Variants in FOXN1 observed in about 807,000 individuals in gnomAD.
FOXN1 encodes the protein forkhead box N1.
In FOXN1, 15 loss-of-function variants were observed where a neutral mutation model predicts 49.0. The ratio of observed to expected loss-of-function variants is 0.31; its 90% CI spans 0.20 to 0.47. The LOEUF is 0.47. FOXN1 is among the 20% of genes least tolerant of loss of function. The pLI, the probability that FOXN1 is intolerant of heterozygous loss-of-function variation, is 1.00. For missense variants in FOXN1, 800 were observed against 842.8 expected (o/e 0.95, Z 0.63); for synonymous variants, 356 against 369.0 (o/e 0.96, Z 0.40).
rs984411950 is a variant in FOXN1, at chr17:28,534,022, C to G, written c.928-309C>G. Among the ~76,000 whole-genome samples the G allele has an allele frequency of 2.0e-5, 3 of 152,140 alleles. No individual in the cohort carries two copies. The highest frequency in any genetic ancestry group is 2.0e-4 in the Admixed American group (3 of 15,278). ...GGGAGAGTGTTGTGGGTCAGAAGGC[C>G]TCTGTAGCGCCCACCAGCCCTGGCT... On this transcript the variant is annotated intron_variant, in intron 6 of 8. Coordinates refer to ENST00000579795, the MANE Select transcript of FOXN1 (RefSeq NM_001369369.1). The surrounding 1 kb of genome is among the most constrained non-coding windows in gnomAD (Gnocchi z 4.1).
intron 4 of FOXN1, among the ~76,000 whole-genome samples, chr17:28,528,374 AC>A (rs1333251817): frequency 1.3e-5 from 2 of 152,030 alleles, no homozygotes; most frequent in Non-Finnish European, 2.9e-5. Flanking sequence ...GGGCCACCAG[AC>A]CTTAAATGAC....
intron 2 of FOXN1, 35 bp downstream of exon 2, chr17:28,524,127 A>T: frequency 1.3e-6 from 2 of 1,554,454 alleles, no homozygotes; most frequent in Non-Finnish European, 1.7e-6. Flanking sequence ...GGTTTAGGCC[A>T]AGGCCTGCGG....
intron 6 of FOXN1, 33 bp downstream of exon 6, chr17:28,530,878 C>T (rs1429588295): frequency 3.2e-6 from 4 of 1,235,110 alleles, no homozygotes; most frequent in Non-Finnish European, 4.8e-6. Context: ...TCCCATCACC[C>T]CCAAGTCCTG....
At chr17:28,510,032 A>T (rs1187426076) in intron 1 of FOXN1, among the ~76,000 whole-genome samples, 1 of 152,082 alleles carries the variant, frequency 6.6e-6, no homozygotes, top group Non-Finnish European at 1.5e-5. Flanking sequence ...AGTCATGGAG[A>T]AAAGGGAACC....
At chr17:28,530,530 G>A (rs1405729740) in intron 5 of FOXN1, among the ~76,000 whole-genome samples, 1 of 152,244 alleles carries the variant, frequency 6.6e-6, no homozygotes, top group Non-Finnish European at 1.5e-5. Context: ...CACAGCCAGA[G>A]AGTAACTAGG....
chr17:28,524,138 C>A (rs1185221422), intron 2 of FOXN1, 46 bp downstream of exon 2: 1 of 1,539,370 alleles, frequency 6.5e-7, no homozygotes, highest in South Asian at 1.2e-5. Context: ...AGGCCTGCGG[C>A]TGCCCAGGCA....
intron 1 of FOXN1, among the ~76,000 whole-genome samples, chr17:28,517,880 G>A (rs1290206248): frequency 1.4e-5 from 2 of 140,428 alleles, no homozygotes; most frequent in African/African-American, 5.6e-5. Context: ...CCTCCACAGG[G>A]TACACACCTC....
chr17:28,515,382 C>T (rs1019842294), intron 1 of FOXN1, among the ~76,000 whole-genome samples: 1 of 151,652 alleles, frequency 6.6e-6, no homozygotes, highest in Non-Finnish European at 1.5e-5. Flanking sequence ...GTACACATCT[C>T]CACAGGGTAC....
chr17:28,523,940 G>T lies in FOXN1; in HGVS notation c.-14-16G>T. The T allele has an allele frequency of 6.2e-7, 1 of 1,613,206 alleles. No individual in the cohort carries two copies. Among genetic ancestry groups the T allele is most frequent in the Non-Finnish European group, 8.5e-7 (1 of 1,179,900 alleles). On this transcript the variant is annotated splice_polypyrimidine_tract_variant and intron_variant, in intron 1 of 8. Coordinates refer to ENST00000579795, the MANE Select transcript of FOXN1 (RefSeq NM_001369369.1). ...GATGCTGGTCCTCACTCTCATGGCA[G>T]ACGGCTTTCTTTGAGGCCAGGACTG...
chr17:28,523,000 C>T (rs1014414359), intron 1 of FOXN1, among the ~76,000 whole-genome samples: 6 of 152,194 alleles, frequency 3.9e-5, no homozygotes, highest in Non-Finnish European at 7.3e-5. Context: ...TGTCACTCTC[C>T]CAGTTAGATG....
intron 3 of FOXN1, among the ~76,000 whole-genome samples, 195 bp downstream of exon 3, chr17:28,525,162 G>A (rs2069739803): frequency 6.6e-6 from 1 of 152,132 alleles, no homozygotes; most frequent in Non-Finnish European, 1.5e-5. Flanking sequence ...GGCAAGTGGG[G>A]GAGGTAGGCC....
intron 5 of FOXN1, 100 bp downstream of exon 5, chr17:28,529,324 C>A: frequency 6.9e-7 from 1 of 1,448,888 alleles, no homozygotes; most frequent in South Asian, 1.1e-5. Context: ...GTAATGGCAG[C>A]AGGTGGAAAT....
rs778561319 is a variant in FOXN1 at position 28,535,201 on chromosome 17, G to A, written c.1627+3G>A. 3 of 1,612,728 alleles carry A rather than the reference G, an allele frequency of 1.9e-6. No homozygotes were observed. The highest frequency in any genetic ancestry group is 2.5e-6 in the Non-Finnish European group (3 of 1,179,930). On this transcript the variant is annotated splice_donor_region_variant and intron_variant, in intron 8 of 8. Coordinates refer to ENST00000579795, the MANE Select transcript of FOXN1 (RefSeq NM_001369369.1). ...ACTCACTGACTTCGACTTCCAGGGTGAGCTGGGGGTGGGAAAGGGAAGGTG... is the reference window on the plus strand; with the variant it reads ...ACTCACTGACTTCGACTTCCAGGGTAAGCTGGGGGTGGGAAAGGGAAGGTG...
intron 1 of FOXN1, among the ~76,000 whole-genome samples, chr17:28,516,905 A>G (rs113553144): frequency 0.33 from 7,534 of 22,704 alleles, 2,643 homozygotes; most frequent in African/African-American, 0.59. Context: ...TACCTCCACA[A>G]GGACACACCT....
intron 1 of FOXN1, among the ~76,000 whole-genome samples, chr17:28,521,093 C>A (rs1379839891): frequency 6.6e-6 from 1 of 152,250 alleles, no homozygotes; most frequent in African/African-American, 2.4e-5. Flanking sequence ...CTCGTGCACA[C>A]CATCCTCACG....
chr17:28,507,109 C>T (rs2151470916), intron 1 of FOXN1, among the ~76,000 whole-genome samples: 1 of 152,298 alleles, frequency 6.6e-6, no homozygotes, highest in Non-Finnish European at 1.5e-5. Flanking sequence ...CGCAAGACCC[C>T]TAAGGCAGAG....
At chr17:28,510,278 A>G (rs1555606799) in intron 1 of FOXN1, among the ~76,000 whole-genome samples, 1 of 152,024 alleles carries the variant, frequency 6.6e-6, no homozygotes, top group African/African-American at 2.4e-5. Context: ...ACACACATAC[A>G]CACAGAGACA....
chr17:28,526,889 G>T (rs2069781912), intron 3 of FOXN1, among the ~76,000 whole-genome samples: 1 of 152,122 alleles, frequency 6.6e-6, no homozygotes, highest in Admixed American at 6.5e-5. Context: ...TACTCAGAGG[G>T]TCTGAGACCT....
rs371766542 is a variant in FOXN1 at position 28,530,791 on chromosome 17, C to G, written c.873C>G (p.Ser291Arg). The change falls in exon 6 of 9, where the codon AGC (serine) becomes AGG (arginine). Residue 291 changes from serine (S) to arginine (R), a missense_variant. Ser to Arg is a moderately radical substitution (Grantham distance 110, BLOSUM62 -1). This residue lies in a region of FOXN1 where 73 missense variants were observed against 118.9 expected (regional missense o/e 0.61). Coordinates refer to ENST00000579795, the MANE Select transcript of FOXN1 (RefSeq NM_001369369.1). ...FMALKNSKTGSLPVSEIYNFM... is the reference protein window; with the variant it reads ...FMALKNSKTGRLPVSEIYNFM... Reference sequence around the variant, plus strand: ...CCCTTAAGAACAGTAAAACTGGGAGCCTTCCCGTCAGCGAGATCTACAATT... The same window carrying G: ...CCCTTAAGAACAGTAAAACTGGGAGGCTTCCCGTCAGCGAGATCTACAATT... 10 of 1,596,676 alleles carry G rather than the reference C, an allele frequency of 6.3e-6. No individual in the cohort carries two copies. Among genetic ancestry groups the G allele is most frequent in the Non-Finnish European group, 8.5e-6 (10 of 1,171,106 alleles).
Sources: gnomAD v4.1 joint callset for allele counts (sites outside exome capture counted in the v4.1 genomes callset) on GRCh38, gnomAD v4.1.1 for gene constraint, gnomAD v4.1.1 regional missense constraint, Gnocchi (gnomAD v3.1) non-coding constraint, MANE v1.5 for transcripts, NCBI Gene and HGNC (gene_info 2026-07-23, HGNC 2026-07-21) for gene names.